BLCAP: variants seen among roughly 807,000 people sequenced by gnomAD.
BLCAP encodes the protein BLCAP apoptosis inducing factor.
Under a neutral mutation model 5.7 loss-of-function variants are expected in BLCAP, and 1 was observed. The observed-to-expected ratio is 0.18, with a 90% CI of 0.06 to 0.83. BLCAP has a LOEUF of 0.83. Ranked by LOEUF, BLCAP falls within the 40% of genes least tolerant of loss-of-function variation. BLCAP has a pLI of 0.71. For synonymous variants in BLCAP, 48 were observed against 49.4 expected (o/e 0.97, Z 0.11); for missense variants, 66 against 107.6 (o/e 0.61, Z 1.71).
At position 37,526,316 on chromosome 20, in the gene BLCAP, G is replaced by GC. The variant is rs200352886; in HGVS notation, c.-177+1476dup. On this transcript the variant is annotated intron_variant, in intron 1 of 1. Coordinates refer to ENST00000373537, the MANE Select transcript of BLCAP (RefSeq NM_006698.4). ...CCCCCCCTCAGAGATTTAAACGTGT[G>GC]CACTCATGCACATACACAAAACACT... Among the ~76,000 whole-genome samples the GC allele has an allele frequency of 1.3e-3, 168 of 126,740 alleles. 1 individual carries two copies. The East Asian group carries it at 0.031, about 24-fold the overall frequency. The allele number at this position is 126,740 out of a possible 152,430, so 83.1% of individuals were successfully genotyped here.
At chr20:37,519,503 T>C (rs950617964) in intron 1 of BLCAP, among the ~76,000 whole-genome samples, 153 bp from the exon 2 acceptor site, 1 of 147,528 alleles carries the variant, frequency 6.8e-6, no homozygotes, top group Non-Finnish European at 1.5e-5. Context: ...AAATGTGAAA[T>C]GCCCTTTCCT....
rs59014721 is a variant in BLCAP at position 37,519,180 on chromosome 20, C to T, written c.-6G>A. 1 of 1,574,610 alleles carries T rather than the reference C, an allele frequency of 6.4e-7. No individual in the cohort carries two copies. Among genetic ancestry groups the T allele is most frequent in the Admixed American group, 1.8e-5 (1 of 54,076 alleles). On this transcript the variant is annotated 5_prime_UTR_variant, in exon 2 of 2. Coordinates refer to ENST00000373537, the MANE Select transcript of BLCAP (RefSeq NM_006698.4). ...AGCCACTGGAGGCAATACATGATCT[C>T]TGCCGGGCAGGGCCTTCACCAAGGC...
intron 1 of BLCAP, chr20:37,526,999 A>T (rs1483306279): frequency 2.0e-5 from 3 of 152,168 alleles, no homozygotes; most frequent in Non-Finnish European, 4.4e-5. Flanking sequence ...CTATAAACAG[A>T]AAGGCTGTTT....
chr20:37,522,070 A>G (rs961771698), intron 1 of BLCAP, among the ~76,000 whole-genome samples: 2 of 151,704 alleles, frequency 1.3e-5, no homozygotes, highest in African/African-American at 4.8e-5. Flanking sequence ...GCTAACGGAA[A>G]AAAATGGATC....
chr20:37,517,668 G>T lies in BLCAP; in HGVS notation c.*1243C>A, dbSNP rs1010563224. ...CAGGCAGGGGCCAGGAGAAAGTCTC[G>T]TTTGCCAACACTTGTTACTGAAGCG... On this transcript the variant is annotated 3_prime_UTR_variant, in exon 2 of 2. Transcript: ENST00000373537. 3.3e-5 allele frequency: 5 copies of T among 152,564 alleles called. No individual in the cohort carries two copies. The highest frequency in any genetic ancestry group is 1.2e-4 in the African/African-American group (5 of 41,422). The allele number at this position is 152,564 out of a possible 1,614,324, so 9.5% of individuals were successfully genotyped here. A position where few individuals can be genotyped will look rare whatever the true frequency, so the allele number is the denominator to read the frequency against.
At chr20:37,525,712 A>T (rs892771334) in intron 1 of BLCAP, among the ~76,000 whole-genome samples, 20 of 152,172 alleles carry the variant, frequency 1.3e-4, no homozygotes, top group Non-Finnish European at 2.8e-4. Context: ...TGTTTATAAA[A>T]TTTTTTCCAC....
intron 1 of BLCAP, chr20:37,522,897 G>A (rs932436795): frequency 2.9e-6 from 2 of 679,284 alleles, no homozygotes; most frequent in Admixed American, 2.9e-5. Flanking sequence ...AGGTCAGTGA[G>A]GGGCCAGTAG....
At chr20:37,523,013 G>T (rs1478815816) in intron 1 of BLCAP, 8 of 456,268 alleles carry the variant, frequency 1.8e-5, no homozygotes, top group Admixed American at 3.9e-5. Context: ...GGGGGGATAG[G>T]GGGAGCAGAC....
In BLCAP at chr20:37,521,176, A is replaced by G; in HGVS notation, c.-176-1826T>C. The G allele has an allele frequency of 2.7e-6, 2 of 727,588 alleles. No individual in the cohort carries two copies. Among genetic ancestry groups the G allele is most frequent in the Non-Finnish European group, 4.8e-6 (2 of 414,740 alleles). The allele number at this position is 727,588 out of a possible 1,614,324, so 45.1% of individuals were successfully genotyped here. A position where few individuals can be genotyped will look rare whatever the true frequency, so the allele number is the denominator to read the frequency against. ...AGCGCCCCCAGCCACCCCTCCTCAT[A>G]AACACCCCCCAAGGCGCGCATGCGC... On this transcript the variant is annotated intron_variant, in intron 1 of 1. Coordinates refer to ENST00000373537, the MANE Select transcript of BLCAP (RefSeq NM_006698.4). The surrounding 1 kb of genome is among the most constrained non-coding windows in gnomAD (Gnocchi z 4.5).
At chr20:37,525,802 C>G (rs2147196125) in intron 1 of BLCAP, among the ~76,000 whole-genome samples, 2 of 152,318 alleles carry the variant, frequency 1.3e-5, no homozygotes, top group South Asian at 4.1e-4. Flanking sequence ...CTGCACAGCC[C>G]TTAGTCACAG....
intron 1 of BLCAP, among the ~76,000 whole-genome samples, chr20:37,520,962 C>T (rs1203363925): frequency 6.6e-6 from 1 of 152,132 alleles, no homozygotes; most frequent in Non-Finnish European, 1.5e-5. Context: ...GGGCGCCACA[C>T]TAAGAGACCT....
At position 37,518,680 on chromosome 20, in the gene BLCAP, G is replaced by A; in HGVS notation, c.*231C>T. 1 of 606,716 alleles carries A rather than the reference G, an allele frequency of 1.6e-6. No homozygotes were observed. Among genetic ancestry groups the A allele is most frequent in the Non-Finnish European group, 2.8e-6 (1 of 355,632 alleles). 37.6% of individuals were successfully genotyped at this position (606,716 alleles called of 1,614,324 possible). A position where few individuals can be genotyped will look rare whatever the true frequency, so the allele number is the denominator to read the frequency against. On this transcript the variant is annotated 3_prime_UTR_variant, in exon 2 of 2. Coordinates refer to ENST00000373537, the MANE Select transcript of BLCAP (RefSeq NM_006698.4). ...TGCGGCCAGCCAGGACCTAGATGGGGACAGAACACACACAACCACAAGACC... is the reference window on the plus strand; with the variant it reads ...TGCGGCCAGCCAGGACCTAGATGGGAACAGAACACACACAACCACAAGACC...
rs2147180940 is a variant in BLCAP at position 37,518,128 on chromosome 20, T to TGC, written c.*781_*782dup. ...CACCATACTTCAATGCTGCAGAGCATGCACGGGAGACACAATGAGGCCCCC... is the reference window on the plus strand; with the variant it reads ...CACCATACTTCAATGCTGCAGAGCATGCGCACGGGAGACACAATGAGGCCCCC... On this transcript the variant is annotated 3_prime_UTR_variant, in exon 2 of 2. Coordinates refer to ENST00000373537, the MANE Select transcript of BLCAP (RefSeq NM_006698.4). The TGC allele has an allele frequency of 6.6e-6, 1 of 152,338 alleles. No individual in the cohort carries two copies. The highest frequency in any genetic ancestry group is 2.1e-4 in the South Asian group (1 of 4,830). The allele number at this position is 152,338 out of a possible 1,614,324, so 9.4% of individuals were successfully genotyped here. A position where few individuals can be genotyped will look rare whatever the true frequency, so the allele number is the denominator to read the frequency against.
At chr20:37,519,585 G>C (rs1371810463) in intron 1 of BLCAP, among the ~76,000 whole-genome samples, 2 of 152,168 alleles carry the variant, frequency 1.3e-5, no homozygotes, top group African/African-American at 2.4e-5. Flanking sequence ...ATGTCTCCCC[G>C]GGGCTTCTCC....
At chr20:37,525,710 A>C (rs1488079652) in intron 1 of BLCAP, among the ~76,000 whole-genome samples, 11 of 152,360 alleles carry the variant, frequency 7.2e-5, no homozygotes. Flanking sequence ...CTTGTTTATA[A>C]AATTTTTTCC....
chr20:37,521,279 G>C lies in BLCAP; in HGVS notation c.-176-1929C>G. 1 of 1,587,486 alleles carries C rather than the reference G, an allele frequency of 6.3e-7. No homozygotes were observed. Among genetic ancestry groups the C allele is most frequent in the South Asian group, 1.1e-5 (1 of 90,510 alleles). ...CGCCCAACAGCGGACTCCGAGACCA[G>C]CGGATCTCGGCAAACCCTCTTTCTC... On this transcript the variant is annotated intron_variant, in intron 1 of 1. Coordinates refer to ENST00000373537, the MANE Select transcript of BLCAP (RefSeq NM_006698.4). The surrounding 1 kb of genome is among the most constrained non-coding windows in gnomAD (Gnocchi z 4.5).
chr20:37,519,426 A>AAAAAG (rs2071491301), intron 1 of BLCAP, 76 bp from the exon 2 acceptor site: 29 of 44,622 alleles, frequency 6.5e-4, no homozygotes, highest in East Asian at 8.6e-4. Context: ...AAAAAAAAGA[A>AAAAAG]AAAAAAAAAA....
At chr20:37,519,426 A>AAAAAAAAAAAG (rs2071491935) in intron 1 of BLCAP, 76 bp from the exon 2 acceptor site, 44 of 44,618 alleles carry the variant, frequency 9.9e-4, no homozygotes, top group South Asian at 1.5e-3. Context: ...AAAAAAAAGA[A>AAAAAAAAAAAG]AAAAAAAAAA....
chr20:37,520,278 GA>G lies in BLCAP; in HGVS notation c.-176-929del, dbSNP rs774892473. ...TCCCGCCCGAAAATCCGCGCTGTGCGAGGGACCCACAAGACTGGCGGTCTAA... is the reference window on the plus strand; with the variant it reads ...TCCCGCCCGAAAATCCGCGCTGTGCGGGGACCCACAAGACTGGCGGTCTAA... On this transcript the variant is annotated intron_variant, in intron 1 of 1. Coordinates refer to ENST00000373537, the MANE Select transcript of BLCAP (RefSeq NM_006698.4). 3.9e-5 allele frequency: 6 copies of G among 152,358 alleles called. No individual in the cohort carries two copies. The East Asian group carries it at 1.2e-3, about 29-fold the overall frequency. 9.4% of individuals were successfully genotyped at this position (152,358 alleles called of 1,614,324 possible). A position where few individuals can be genotyped will look rare whatever the true frequency, so the allele number is the denominator to read the frequency against.
Sources: gnomAD v4.1 joint callset for allele counts (sites outside exome capture counted in the v4.1 genomes callset) on GRCh38, gnomAD v4.1.1 for gene constraint, Gnocchi (gnomAD v3.1) non-coding constraint, MANE v1.5 for transcripts, NCBI Gene and HGNC (gene_info 2026-07-23, HGNC 2026-07-21) for gene names.